Variants in CLIP1 observed in about 807,000 individuals in gnomAD.
CLIP1 encodes CAP-Gly domain-containing linker protein 1.
A neutral mutation model predicts 161.6 loss-of-function variants in CLIP1; 66 were observed. That is an observed-to-expected ratio of 0.41 (90% CI 0.33 to 0.50). The LOEUF (loss-of-function observed/expected upper bound fraction) is 0.50, where lower values mean the gene tolerates loss of function less well. CLIP1 is among the 20% of genes least tolerant of loss of function. The pLI is 0.27. For missense variants in CLIP1, 1,376 were observed against 1,702.0 expected (o/e 0.81, Z 3.37); for synonymous variants, 598 against 626.2 (o/e 0.96, Z 0.67).
intron 1 of CLIP1, among the ~76,000 whole-genome samples, chr12:122,404,053 G>C (rs1427063408): frequency 1.3e-5 from 2 of 152,200 alleles, no homozygotes; most frequent in South Asian, 2.1e-4. Flanking sequence ...GTAAGCGCAT[G>C]AGTGAGCGGT....
In CLIP1 at chr12:122,311,297, G is replaced by A. The variant is rs148301851; in HGVS notation, c.3474-1415C>T. Among the ~76,000 whole-genome samples the A allele has an allele frequency of 2.6e-5, 4 of 152,082 alleles. No homozygotes were observed. The highest frequency in any genetic ancestry group is 1.9e-4 in the East Asian group (1 of 5,180). ...TGTGTGTGGCCTGTCAAAGTGCTACGCTTATACTCCTGTTCCTTCTCTCTC... is the reference window on the plus strand; with the variant it reads ...TGTGTGTGGCCTGTCAAAGTGCTACACTTATACTCCTGTTCCTTCTCTCTC... On this transcript the variant is annotated intron_variant, in intron 19 of 25. Transcript: ENST00000620786. This position sits in a 1 kb window ranked among gnomAD's most constrained non-coding sequence, Gnocchi z 4.3.
chr12:122,375,501 G>C (rs60708607), intron 3 of CLIP1, among the ~76,000 whole-genome samples: 174 of 152,156 alleles, frequency 1.1e-3, no homozygotes, highest in African/African-American at 3.9e-3. Context: ...ATTTTTAGTA[G>C]AGACGGGGTT....
At chr12:122,411,324 G>A (rs552512727) in intron 1 of CLIP1, among the ~76,000 whole-genome samples, 2 of 152,314 alleles carry the variant, frequency 1.3e-5, no homozygotes, top group South Asian at 4.1e-4. Flanking sequence ...GCTGAGGCAG[G>A]AGATTTGCTT....
rs1182390481 is a variant in CLIP1, at chr12:122,346,503, GTT to G, written c.1506+870_1506+871del. Among the ~76,000 whole-genome samples the G allele has an allele frequency of 2.6e-5, 4 of 152,090 alleles. No individual in the cohort carries two copies. In the East Asian group the frequency reaches 7.7e-4, roughly 29 times the overall value. ...CCTCCTCACCACTGAGGGTTTTTTT[GTT>G]TTGTTTTGTTTTTTCCAGACAGAGT... is the stretch of plus-strand genomic sequence containing the variant. On this transcript the variant is annotated intron_variant, in intron 10 of 25. Coordinates refer to ENST00000620786, the MANE Select transcript of CLIP1 (RefSeq NM_001247997.2).
rs1555269897 is a variant in CLIP1 at position 122,349,912 on chromosome 12, G to GTTTTTTTTGT, written c.1401+1198_1401+1199insACAAAAAAAA. 9.8e-5 allele frequency among the ~76,000 whole-genome samples: 13 copies of GTTTTTTTTGT among 132,992 alleles called. No homozygotes were observed. In the East Asian group the frequency reaches 2.5e-3, roughly 25 times the overall value. The allele number at this position is 132,992 out of a possible 152,430, so 87.2% of individuals were successfully genotyped here. ...TTTTTTTGTTTTTTTTGTTTTTTTT[G>GTTTTTTTTGT]TTTTTTTTTGAGATGGAGTTTTGTT... On this transcript the variant is annotated intron_variant, in intron 9 of 25. Transcript: ENST00000620786.
At chr12:122,278,247 T>C in intron 23 of CLIP1, 44 bp from the exon 24 acceptor site, 24 of 1,326,218 alleles carry the variant, frequency 1.8e-5, no homozygotes, top group Non-Finnish European at 2.5e-5. Context: ...GGAGGGAGAA[T>C]ATATGTATAT....
rs1033049279 is a variant in CLIP1, at chr12:122,334,583, G to A, written c.2626+65C>T. The A allele has an allele frequency of 5.9e-5, 65 of 1,100,430 alleles. No homozygotes were observed. In the African/African-American group the frequency reaches 1.0e-3, roughly 17 times the overall value. The allele number at this position is 1,100,430 out of a possible 1,614,324, so 68.2% of individuals were successfully genotyped here. A position where few individuals can be genotyped will look rare whatever the true frequency, so the allele number is the denominator to read the frequency against. The stretch of plus-strand genomic sequence containing the variant: ...CAGTGTAACTCTGTGCACTCCACAG[G>A]TCAGCTCCAGTATGAAAGAATGATA... On this transcript the variant is annotated intron_variant, in intron 13 of 25. Transcript: ENST00000620786.
At chr12:122,325,610 A>G (rs564931821) in intron 17 of CLIP1, among the ~76,000 whole-genome samples, 2 of 152,136 alleles carry the variant, frequency 1.3e-5, no homozygotes, top group East Asian at 3.9e-4. Context: ...ATATACAAAA[A>G]TAGAGAAAAT....
At chr12:122,377,311 ATGTG>A in intron 3 of CLIP1, 74 bp downstream of exon 3, 5 of 1,339,854 alleles carry the variant, frequency 3.7e-6, no homozygotes, top group Non-Finnish European at 4.2e-6. Context: ...CCCAGCCCTG[ATGTG>A]TGTGTATTTC....
intron 9 of CLIP1, 88 bp downstream of exon 9, chr12:122,351,023 T>C (rs945914628): frequency 3.1e-6 from 3 of 959,254 alleles, no homozygotes; most frequent in African/African-American, 1.6e-5. Context: ...ATTATGCAGT[T>C]AGTGTTTGAG....
chr12:122,339,524 CAG>C (rs753194362), intron 11 of CLIP1, among the ~76,000 whole-genome samples: 38 of 151,572 alleles, frequency 2.5e-4, no homozygotes, highest in South Asian at 1.5e-3. Context: ...TTTTAGTAGA[CAG>C]GGGCCAGGCT....
intron 1 of CLIP1, among the ~76,000 whole-genome samples, chr12:122,389,872 G>T (rs568099880): frequency 2.0e-5 from 3 of 150,336 alleles, no homozygotes; most frequent in Non-Finnish European, 3.0e-5. Context: ...AGTGCTGGAG[G>T]GGGGGCCCGG....
chr12:122,387,457 A>C (rs1376171158), intron 1 of CLIP1, among the ~76,000 whole-genome samples: 3 of 140,356 alleles, frequency 2.1e-5, no homozygotes, highest in African/African-American at 7.7e-5. Flanking sequence ...GGCGGGGGGG[A>C]GGACTACTGT....
At chr12:122,357,236 G>A (rs1371549716) in intron 5 of CLIP1, among the ~76,000 whole-genome samples, 1 of 150,438 alleles carries the variant, frequency 6.6e-6, no homozygotes, top group South Asian at 2.1e-4. Context: ...TGTGGGGAGC[G>A]CCTCTGCCCC....
In CLIP1 at chr12:122,380,525, G is replaced by T; in HGVS notation, c.-73C>A. ...TTTCCCCAACCATTGATACAACTGT[G>T]GGTTCTATAGTGAAGTCAGTCTCTG... On this transcript the variant is annotated 5_prime_UTR_variant, in exon 2 of 26. Transcript: ENST00000620786. The T allele has an allele frequency of 1.2e-6, 1 of 862,802 alleles. No homozygotes were observed. The highest frequency in any genetic ancestry group is 1.6e-5 in the South Asian group (1 of 62,044). The allele number at this position is 862,802 out of a possible 1,614,324, so 53.4% of individuals were successfully genotyped here.
intron 5 of CLIP1, among the ~76,000 whole-genome samples, chr12:122,356,596 G>C (rs1389342757): frequency 6.6e-6 from 1 of 151,846 alleles, no homozygotes; most frequent in Admixed American, 6.6e-5. Context: ...AATGAATTGG[G>C]TCCCTCTCCC....
intron 23 of CLIP1, 144 bp downstream of exon 23, chr12:122,278,648 C>T (rs1232018078): frequency 5.9e-6 from 5 of 848,310 alleles, no homozygotes; most frequent in Non-Finnish European, 7.1e-6. Context: ...TGGGATTAGC[C>T]CTTGATTGAT....
chr12:122,393,237 T>G (rs1211190789), intron 1 of CLIP1, among the ~76,000 whole-genome samples: 3 of 151,822 alleles, frequency 2.0e-5, no homozygotes, highest in Non-Finnish European at 4.4e-5. Context: ...CTCGCCTTAC[T>G]GCAACCTCTG....
chr12:122,388,440 C>G (rs1955427940), intron 1 of CLIP1, among the ~76,000 whole-genome samples: 1 of 152,102 alleles, frequency 6.6e-6, no homozygotes. Context: ...AGGATGGTCT[C>G]CATCTCCTGA....
Sources: allele counts gnomAD v4.1 joint callset (sites outside exome capture counted in the v4.1 genomes callset), GRCh38; gene constraint gnomAD v4.1.1; non-coding constraint Gnocchi (gnomAD v3.1); transcripts MANE v1.5; gene names NCBI Gene and HGNC (gene_info 2026-07-23, HGNC 2026-07-21).